The following CNTN4 variants were observed in gnomAD, a reference collection of about 807,000 sequenced individuals.
CNTN4 encodes contactin 4, also known as contactin-4.
CNTN4 carries 77 observed loss-of-function variants against 122.5 expected under a neutral mutation model. The ratio of observed to expected loss-of-function variants is 0.63; its 90% CI spans 0.52 to 0.76. CNTN4 has a LOEUF of 0.76. Ranked by LOEUF, CNTN4 falls within the 30% of genes least tolerant of loss-of-function variation. The pLI is 0.00. For missense variants in CNTN4, 1,256 were observed against 1,259.1 expected, an observed-to-expected ratio of 1.00 and a Z score of 0.04; for synonymous variants, 512 against 447.0, an observed-to-expected ratio of 1.15 and a Z score of -1.83.
chr3:2,164,992 GC>G (rs1377342208), intron 2 of CNTN4, among the ~76,000 whole-genome samples: 15 of 152,126 alleles, frequency 9.9e-5, no homozygotes, highest in Admixed American at 2.6e-4. Context: ...GGTCACAAAT[GC>G]TGCTACAAGA....
chr3:2,651,699 C>CT lies in CNTN4; in HGVS notation c.55+80149dup, dbSNP rs1183582400. Among the ~76,000 whole-genome samples the CT allele has an allele frequency of 5.3e-4, 76 of 144,314 alleles. 4 individuals carry two copies. The South Asian group carries it at 0.011, about 21-fold the overall frequency. The allele number at this position is 144,314 out of a possible 152,430, so 94.7% of individuals were successfully genotyped here. On this transcript the variant is annotated intron_variant, in intron 4 of 24. Coordinates refer to ENST00000418658, the MANE Select transcript of CNTN4 (RefSeq NM_175607.3). Reference sequence around the variant, plus strand: ...GACCTCCATCTCTACAATTTTTTTTCTTTTTTTTCTTTTTTTTTTTTGAGA... The same window carrying CT: ...GACCTCCATCTCTACAATTTTTTTTCTTTTTTTTTCTTTTTTTTTTTTGAGA...
At chr3:2,163,841 A>T (rs2036069071) in intron 2 of CNTN4, among the ~76,000 whole-genome samples, 1 of 152,202 alleles carries the variant, frequency 6.6e-6, no homozygotes, top group Non-Finnish European at 1.5e-5. Context: ...AAAGTCAAAA[A>T]ATAATAGATA....
chr3:2,439,639 C>T lies in CNTN4; in HGVS notation c.-89+100406C>T, dbSNP rs368162058. On this transcript the variant is annotated intron_variant, in intron 3 of 24. Coordinates refer to ENST00000418658, the MANE Select transcript of CNTN4 (RefSeq NM_175607.3). The stretch of plus-strand genomic sequence containing the variant: ...CTGTCTCTGTATGTGTGTGTGTGCG[C>T]GCGTGCTTGTGTGTGTGTCTGTATC... Among the ~76,000 whole-genome samples, 64 of 151,846 alleles carry T rather than the reference C, an allele frequency of 4.2e-4. No individual in the cohort carries two copies. The Middle Eastern group carries it at 0.017, about 40-fold the overall frequency.
At chr3:2,715,116 T>C (rs1353487229) in intron 4 of CNTN4, among the ~76,000 whole-genome samples, 1 of 152,238 alleles carries the variant, frequency 6.6e-6, no homozygotes, top group Non-Finnish European at 1.5e-5. Context: ...TTTTACATTC[T>C]ACTTGTTGCT....
At chr3:2,421,318 T>C (rs1252762489) in intron 3 of CNTN4, among the ~76,000 whole-genome samples, 1 of 150,720 alleles carries the variant, frequency 6.6e-6, no homozygotes, top group East Asian at 2.0e-4. Flanking sequence ...AGTGGCGTGA[T>C]CTCAGCTCAG....
At chr3:2,228,907 A>T (rs144001284) in intron 2 of CNTN4, among the ~76,000 whole-genome samples, 335 of 152,280 alleles carry the variant, frequency 2.2e-3, no homozygotes, top group African/African-American at 7.2e-3. Context: ...TTAGAGCTGC[A>T]AACTAAGAGA....
At chr3:2,818,969 A>T (rs544984511) in intron 6 of CNTN4, among the ~76,000 whole-genome samples, 28 of 152,356 alleles carry the variant, frequency 1.8e-4, no homozygotes, top group Non-Finnish European at 2.8e-4. Context: ...TATATATGAT[A>T]GAATGGTTTG....
At chr3:2,930,305 A>G (rs1037673834) in intron 13 of CNTN4, among the ~76,000 whole-genome samples, 1 of 152,184 alleles carries the variant, frequency 6.6e-6, no homozygotes, top group Non-Finnish European at 1.5e-5. Flanking sequence ...GATGATTATT[A>G]TTGTTATACT....
chr3:2,901,770 C>T (rs1248477173), intron 11 of CNTN4, among the ~76,000 whole-genome samples: 1 of 152,146 alleles, frequency 6.6e-6, no homozygotes, highest in Non-Finnish European at 1.5e-5. Flanking sequence ...TCTCTCCAAC[C>T]AACTAAAATT....
At chr3:2,284,308 C>T (rs1265583803) in intron 2 of CNTN4, among the ~76,000 whole-genome samples, 1 of 151,982 alleles carries the variant, frequency 6.6e-6, no homozygotes, top group Non-Finnish European at 1.5e-5. Context: ...GATGCAAAAC[C>T]AATTAAATTA....
At chr3:2,749,091 C>T (rs1391594657) in intron 6 of CNTN4, among the ~76,000 whole-genome samples, 1 of 152,142 alleles carries the variant, frequency 6.6e-6, no homozygotes, top group Non-Finnish European at 1.5e-5. Context: ...ATCATTTCTC[C>T]TCCTCTCTGC....
intron 6 of CNTN4, among the ~76,000 whole-genome samples, chr3:2,800,228 G>T (rs776430921): frequency 5.3e-5 from 8 of 151,736 alleles, no homozygotes; most frequent in Non-Finnish European, 1.0e-4. Flanking sequence ...AGATTGCTTT[G>T]GATACCACAG....
At chr3:2,440,837 T>A (rs2048411005) in intron 3 of CNTN4, among the ~76,000 whole-genome samples, 1 of 147,274 alleles carries the variant, frequency 6.8e-6, no homozygotes, top group African/African-American at 2.5e-5. Context: ...CTATATATAT[T>A]TTATATATAC....
chr3:2,673,535 G>GT (rs961269517), intron 4 of CNTN4, among the ~76,000 whole-genome samples: 1 of 151,926 alleles, frequency 6.6e-6, no homozygotes, highest in African/African-American at 2.4e-5. Context: ...CTGAGGCTCA[G>GT]TTTTTTGTTT....
At chr3:2,304,916 G>A (rs896042978) in intron 2 of CNTN4, among the ~76,000 whole-genome samples, 7 of 151,374 alleles carry the variant, frequency 4.6e-5, no homozygotes, top group African/African-American at 1.7e-4. Flanking sequence ...TGGCCAACGG[G>A]GAAATTATGC....
chr3:2,938,583 G>T (rs1411746052), intron 13 of CNTN4, among the ~76,000 whole-genome samples: 1 of 152,182 alleles, frequency 6.6e-6, no homozygotes, highest in African/African-American at 2.4e-5. Context: ...AGCACTAGAT[G>T]CTTCTTTCTA....
intron 3 of CNTN4, among the ~76,000 whole-genome samples, chr3:2,497,916 C>G (rs565111561): frequency 6.6e-6 from 1 of 152,080 alleles, no homozygotes; most frequent in South Asian, 2.1e-4. Flanking sequence ...TTGAGTGAAT[C>G]CTCTCAGTTA....
At chr3:2,695,010 A>C (rs2085947396) in intron 4 of CNTN4, among the ~76,000 whole-genome samples, 1 of 152,170 alleles carries the variant, frequency 6.6e-6, no homozygotes, top group African/African-American at 2.4e-5. Flanking sequence ...TTGATATGGT[A>C]AATGTTTAGT....
chr3:2,969,531 T>TATTA lies in CNTN4; in HGVS notation c.1359-18813_1359-18810dup, dbSNP rs1382199374. Among the ~76,000 whole-genome samples, 10 of 145,990 alleles carry TATTA rather than the reference T, an allele frequency of 6.8e-5. No individual in the cohort carries two copies. In the East Asian group the frequency reaches 1.6e-3, roughly 24 times the overall value. On this transcript the variant is annotated intron_variant, in intron 13 of 24. Coordinates refer to ENST00000418658, the MANE Select transcript of CNTN4 (RefSeq NM_175607.3). Reference sequence around the variant, plus strand: ...GGAAAATTGGGATTATTATTATTATTATTATTATTCCTAGACAAAGAGAAA... The same window carrying TATTA: ...GGAAAATTGGGATTATTATTATTATTATTAATTATTATTCCTAGACAAAGAGAAA...
Sources: gnomAD v4.1 joint callset for allele counts (sites outside exome capture counted in the v4.1 genomes callset) on GRCh38, gnomAD v4.1.1 for gene constraint, MANE v1.5 for transcripts, NCBI Gene and HGNC (gene_info 2026-07-23, HGNC 2026-07-21) for gene names.